Variants in MAGI2 observed in about 807,000 individuals in gnomAD.
MAGI2 encodes the protein membrane-associated guanylate kinase, WW and PDZ domain-containing protein 2.
In MAGI2, 35 loss-of-function variants were observed where a neutral mutation model predicts 133.3. The observed-to-expected ratio is 0.26, with a 90% CI of 0.20 to 0.35. MAGI2 has a LOEUF of 0.35. Among genes scored for constraint, MAGI2 ranks in the 10% least tolerant of loss-of-function variants. The probability of loss-of-function intolerance (pLI) is 1.00; values close to 1 mark genes in which losing one functional copy is unlikely to be tolerated. For synonymous variants in MAGI2, 729 were observed against 710.6 expected (o/e 1.03, Z -0.41); for missense variants, 1,636 against 1,863.4 (o/e 0.88, Z 2.25).
At chr7:78,864,820 A>G (rs1406005316) in intron 2 of MAGI2, among the ~76,000 whole-genome samples, 3 of 152,100 alleles carry the variant, frequency 2.0e-5, no homozygotes, top group Non-Finnish European at 4.4e-5. Flanking sequence ...TACTTTTCAA[A>G]TTTTTAATGG....
chr7:79,032,327 A>C (rs1810671814), intron 1 of MAGI2, among the ~76,000 whole-genome samples: 1 of 152,000 alleles, frequency 6.6e-6, no homozygotes, highest in South Asian at 2.1e-4. Context: ...GACCAGCCTT[A>C]CCAACATGGT....
intron 2 of MAGI2, among the ~76,000 whole-genome samples, chr7:78,747,920 C>T (rs1300583042): frequency 6.6e-6 from 1 of 152,148 alleles, no homozygotes; most frequent in Non-Finnish European, 1.5e-5. Context: ...TTATTACATA[C>T]CACCATATGG....
chr7:79,027,969 T>A lies in MAGI2; in HGVS notation c.302-20763A>T, dbSNP rs868048965. Among the ~76,000 whole-genome samples the A allele has an allele frequency of 2.0e-5, 3 of 151,574 alleles. No individual in the cohort carries two copies. The South Asian group carries it at 6.3e-4, about 32-fold the overall frequency. ...AAAACATTACAGTAAAAAACATATCTTTGGGAGGCCAAGGTGAATGGAACA... is the reference window on the plus strand; with the variant it reads ...AAAACATTACAGTAAAAAACATATCATTGGGAGGCCAAGGTGAATGGAACA... On this transcript the variant is annotated intron_variant, in intron 1 of 21. Transcript: ENST00000354212.
intron 21 of MAGI2, among the ~76,000 whole-genome samples, chr7:78,048,592 T>C (rs1811676411): frequency 6.6e-6 from 1 of 152,202 alleles, no homozygotes; most frequent in Non-Finnish European, 1.5e-5. Context: ...TTAATTTAGA[T>C]TTTCCTCCAG....
chr7:79,414,035 C>T (rs1243618608), intron 1 of MAGI2: 1 of 152,086 alleles, frequency 6.6e-6, no homozygotes, highest in Non-Finnish European at 1.5e-5. Flanking sequence ...GTAAAGTATT[C>T]CAGGACATCA....
intron 1 of MAGI2, among the ~76,000 whole-genome samples, chr7:79,011,889 C>CTTCT (rs1342778189): frequency 4.8e-5 from 6 of 125,816 alleles, no homozygotes; most frequent in African/African-American, 1.9e-4. Context: ...TCCTTTCTTC[C>CTTCT]TTCCTTCCTT....
At chr7:78,417,591 C>A (rs1798417866) in intron 6 of MAGI2, among the ~76,000 whole-genome samples, 1 of 152,272 alleles carries the variant, frequency 6.6e-6, no homozygotes, top group East Asian at 1.9e-4. Flanking sequence ...AAAACTAAAT[C>A]TTATTCATCC....
chr7:78,539,005 G>A (rs902957158), intron 3 of MAGI2, among the ~76,000 whole-genome samples: 5 of 152,282 alleles, frequency 3.3e-5, no homozygotes, highest in East Asian at 1.9e-4. Context: ...CAAGAATGCC[G>A]TGGCTAAGAC....
intron 1 of MAGI2, among the ~76,000 whole-genome samples, chr7:79,227,438 A>C (rs572455021): frequency 4.7e-4 from 72 of 152,328 alleles, no homozygotes; most frequent in African/African-American, 1.6e-3. Context: ...GCAATACATC[A>C]CATCACACAC....
Position 79,390,833 on chromosome 7 carries a change from T to G in MAGI2, c.301+62187A>C, listed in dbSNP as rs77669208. On this transcript the variant is annotated intron_variant, in intron 1 of 21. Transcript: ENST00000354212. ...ACTAAGGGATGCATTTCAGGAGAGA[T>G]AAGTACTTCCAACCTTTCCTCTCTG... Among the ~76,000 whole-genome samples the G allele has an allele frequency of 8.7e-3, 1,329 of 152,316 alleles. 13 individuals are homozygous for G. Among genetic ancestry groups the G allele is most frequent in the African/African-American group, 0.031 (1,270 of 41,562 alleles).
intron 2 of MAGI2, among the ~76,000 whole-genome samples, chr7:79,004,563 A>G (rs1392828034): frequency 6.6e-6 from 1 of 152,198 alleles, no homozygotes; most frequent in East Asian, 1.9e-4. Flanking sequence ...ATAGTAGACA[A>G]CAGTGTATTG....
intron 10 of MAGI2, among the ~76,000 whole-genome samples, chr7:78,217,414 TTGC>T (rs1251870609): frequency 2.6e-5 from 4 of 152,286 alleles, no homozygotes; most frequent in Admixed American, 6.5e-5. Flanking sequence ...TAAATACTTG[TTGC>T]GTGAAAGGAA....
intron 1 of MAGI2, among the ~76,000 whole-genome samples, chr7:79,085,921 A>G (rs1584893302): frequency 6.6e-6 from 1 of 152,076 alleles, no homozygotes; most frequent in East Asian, 1.9e-4. Context: ...TTCATGTGCT[A>G]CTTACACAGA....
intron 6 of MAGI2, chr7:78,487,074 CT>C: frequency 2.3e-6 from 1 of 432,414 alleles, no homozygotes; most frequent in South Asian, 1.8e-5. Context: ...TTTTGATAGG[CT>C]ACGGTCCTGT....
chr7:79,281,235 TG>T, intron 1 of MAGI2, among the ~76,000 whole-genome samples: 1 of 152,168 alleles, frequency 6.6e-6, no homozygotes, highest in Non-Finnish European at 1.5e-5. Flanking sequence ...AACTTTGGTG[TG>T]CATGAGAACC....
At chr7:78,558,881 A>G (rs2150730934) in intron 3 of MAGI2, among the ~76,000 whole-genome samples, 1 of 146,338 alleles carries the variant, frequency 6.8e-6, no homozygotes, top group Admixed American at 7.0e-5. Context: ...TAGTCAACAC[A>G]CCAGGATGAC....
rs368933352 is a variant in MAGI2 at position 78,209,176 on chromosome 7, C to T, written c.2048-7983G>A. Among the ~76,000 whole-genome samples, 4 of 40,114 alleles carry T rather than the reference C, an allele frequency of 1.0e-4. 1 individual carries two copies. The highest frequency in any genetic ancestry group is 3.6e-4 in the Admixed American group (1 of 2,816). 26.3% of individuals were successfully genotyped at this position (40,114 alleles called of 152,430 possible). On this transcript the variant is annotated intron_variant, in intron 10 of 21. Coordinates refer to ENST00000354212, the MANE Select transcript of MAGI2 (RefSeq NM_012301.4). ...GGCGGAGCTTGCAGTGAGCTGAGAT[C>T]GCGCCACTGCACTCCACCCTGGGCG...
intron 10 of MAGI2, among the ~76,000 whole-genome samples, chr7:78,234,249 G>T (rs1200852932): frequency 6.6e-6 from 1 of 152,022 alleles, no homozygotes; most frequent in Non-Finnish European, 1.5e-5. Context: ...TATCACTTTG[G>T]TGCAACATTT....
chr7:78,968,184 G>A (rs1407924881), intron 2 of MAGI2, among the ~76,000 whole-genome samples: 1 of 152,028 alleles, frequency 6.6e-6, no homozygotes, highest in Non-Finnish European at 1.5e-5. Flanking sequence ...ATCAGGATAT[G>A]TGATGCCTAC....
Sources: gnomAD v4.1 joint callset for allele counts (sites outside exome capture counted in the v4.1 genomes callset) on GRCh38, gnomAD v4.1.1 for gene constraint, MANE v1.5 for transcripts, NCBI Gene and HGNC (gene_info 2026-07-23, HGNC 2026-07-21) for gene names.